TMEM276: variants seen among roughly 807,000 people sequenced by gnomAD.
The protein encoded by TMEM276 is transmembrane protein 276.
chr8:144,465,443 T>G, the TMEM276 span: 3 of 1,002,892 alleles, frequency 3.0e-6, no homozygotes, highest in Non-Finnish European at 3.6e-6. Context: ...TCCTCTGCCG[T>G]GCCCCCAGTT....
the TMEM276 span, chr8:144,466,372 G>T: frequency 1.2e-6 from 1 of 815,984 alleles, no homozygotes; most frequent in Non-Finnish European, 1.6e-6. Context: ...TCTGGGCGCG[G>T]GGACGCGGGG....
At chr8:144,465,978 G>A in the TMEM276 span, 1 of 133,712 alleles carries the variant, frequency 7.5e-6, no homozygotes, top group Non-Finnish European at 1.6e-5. Context: ...AAGGAACGGG[G>A]TTTGGGCGGG....
chr8:144,465,243 A>C, the TMEM276 span: 1 of 1,148,274 alleles, frequency 8.7e-7, no homozygotes, highest in Non-Finnish European at 1.1e-6. Flanking sequence ...CTGCAGGCCC[A>C]CGCGGCGGCC....
the TMEM276 span, chr8:144,464,703 T>C: frequency 5.7e-6 from 9 of 1,577,686 alleles, no homozygotes; most frequent in Non-Finnish European, 7.7e-6. Flanking sequence ...CATGGAGACC[T>C]GGTCTTAGAC....
the TMEM276 span, chr8:144,466,673 C>A: frequency 8.4e-7 from 1 of 1,194,622 alleles, no homozygotes; most frequent in Non-Finnish European, 1.1e-6. Context: ...TAGACTTCGG[C>A]CCCAATCCTC....
At chr8:144,466,981 G>A in the TMEM276 span, 3 of 1,596,310 alleles carry the variant, frequency 1.9e-6, no homozygotes, top group African/African-American at 4.0e-5. Context: ...CTGAGGATGG[G>A]TCGGAAGGCG....
the TMEM276 span, chr8:144,464,608 C>G: frequency 6.2e-7 from 1 of 1,606,328 alleles, no homozygotes. Context: ...AGCCCCTCGA[C>G]TTGCCTGTCA....
At chr8:144,466,562 C>A in the TMEM276 span, 1 of 1,036,780 alleles carries the variant, frequency 9.6e-7, no homozygotes, top group Non-Finnish European at 1.2e-6. Flanking sequence ...CCGCCGCCTG[C>A]CCCACCCCCA....
the TMEM276 span, chr8:144,463,890 G>C: frequency 7.1e-7 from 1 of 1,400,048 alleles, no homozygotes; most frequent in African/African-American, 1.4e-5. Flanking sequence ...ACCGTGTCCA[G>C]CCCAGAATCA....
chr8:144,464,432 G>C, the TMEM276 span: 7 of 1,612,188 alleles, frequency 4.3e-6, no homozygotes, highest in South Asian at 7.7e-5. Context: ...CCCAGGAGCA[G>C]GTTGGCAGAG....
the TMEM276 span, chr8:144,466,851 T>C: frequency 6.5e-7 from 1 of 1,537,014 alleles, no homozygotes; most frequent in South Asian, 1.2e-5. Context: ...AGGTGCGGGC[T>C]GGGAGTCCCG....
the TMEM276 span, chr8:144,464,780 G>A: frequency 6.2e-7 from 1 of 1,610,758 alleles, no homozygotes; most frequent in East Asian, 2.2e-5. Context: ...GTATGGGGAT[G>A]CGCCCCTGCT....
the TMEM276 span, chr8:144,464,446 C>G: frequency 6.2e-7 from 1 of 1,612,088 alleles, no homozygotes; most frequent in African/African-American, 1.3e-5. Flanking sequence ...GGCAGAGGAG[C>G]GGTCCCCATT....
chr8:144,464,527 T>C, the TMEM276 span: 5 of 1,612,186 alleles, frequency 3.1e-6, no homozygotes, highest in African/African-American at 6.7e-5. Context: ...AGCAAGGCAG[T>C]CTTCGTGTGT....
the TMEM276 span, chr8:144,466,596 C>CGGGCACG: frequency 1.1e-6 from 1 of 895,430 alleles, no homozygotes; most frequent in Non-Finnish European, 1.5e-6. Flanking sequence ...GGGGCGGGGG[C>CGGGCACG]GGGCACGGGG....
chr8:144,464,090 C>T, the TMEM276 span: 6 of 1,577,818 alleles, frequency 3.8e-6, no homozygotes, highest in African/African-American at 1.3e-5. Context: ...GGAAAGTGTT[C>T]GGCAGGGCAG....
the TMEM276 span, chr8:144,465,509 G>A: frequency 2.2e-6 from 2 of 889,356 alleles, no homozygotes; most frequent in South Asian, 4.9e-5. Flanking sequence ...AGGCTAGAGC[G>A]GCCGGGCGGG....
the TMEM276 span, chr8:144,466,938 G>T: frequency 1.3e-6 from 2 of 1,583,602 alleles, no homozygotes; most frequent in African/African-American, 1.3e-5. Flanking sequence ...AATGTCTCCC[G>T]CCCTCCTCCC....
At chr8:144,466,403 TG>T in the TMEM276 span, 1 of 1,194,788 alleles carries the variant, frequency 8.4e-7, no homozygotes, top group South Asian at 2.1e-5. Context: ...CGGGGCCCTC[TG>T]CCGCCCCGCG....
Sources: gnomAD v4.1 joint callset for allele counts on GRCh38, gnomAD v4.1.1 for gene constraint, MANE v1.5 for transcripts, NCBI Gene and HGNC (gene_info 2026-07-23, HGNC 2026-07-21) for gene names.